Variants in ENTPD3 observed in about 807,000 individuals in gnomAD.
ENTPD3 encodes ectonucleoside triphosphate diphosphohydrolase 3.
A neutral mutation model predicts 51.2 loss-of-function variants in ENTPD3; 60 were observed. That is an observed-to-expected ratio of 1.17 (90% CI 0.95 to 1.45). The LOEUF (loss-of-function observed/expected upper bound fraction) is 1.45. Ranked by LOEUF, ENTPD3 falls within the 40% of genes most tolerant of loss-of-function variation. ENTPD3 has a pLI of 0.00. For missense variants in ENTPD3, 593 were observed against 641.1 expected (o/e 0.93, Z 0.81); for synonymous variants, 221 against 238.4 (o/e 0.93, Z 0.67).
chr3:40,412,107 A>T (rs1187216217), intron 5 of ENTPD3, 145 bp downstream of exon 5: 2 of 800,552 alleles, frequency 2.5e-6, no homozygotes, highest in African/African-American at 3.6e-5. Flanking sequence ...TTGGGCTTTA[A>T]AGGTTGGGAA....
At chr3:40,403,404 C>CT (rs1472050946) in intron 4 of ENTPD3, among the ~76,000 whole-genome samples, 4 of 152,174 alleles carry the variant, frequency 2.6e-5, no homozygotes, top group Non-Finnish European at 5.9e-5. Context: ...CCTGATGAAG[C>CT]TTCAGCTGAT....
rs887268832 is a variant in ENTPD3 at position 40,427,712 on chromosome 3, C to T, written c.*204C>T. Reference sequence around the variant, plus strand: ...TTCTGTGCATATTGTTCTTCAGAGACCTCACTACCCACATGCTGATCTATT... The same window carrying T: ...TTCTGTGCATATTGTTCTTCAGAGATCTCACTACCCACATGCTGATCTATT... On this transcript the variant is annotated 3_prime_UTR_variant, in exon 11 of 11. Coordinates refer to ENST00000301825, the MANE Select transcript of ENTPD3 (RefSeq NM_001248.4). 1.7e-6 allele frequency: 1 copy of T among 580,064 alleles called. No individual in the cohort carries two copies. Among genetic ancestry groups the T allele is most frequent in the East Asian group, 2.9e-5 (1 of 34,678 alleles). 35.9% of individuals were successfully genotyped at this position (580,064 alleles called of 1,614,324 possible).
chr3:40,407,511 C>T (rs1385741177), intron 4 of ENTPD3, among the ~76,000 whole-genome samples: 1 of 152,120 alleles, frequency 6.6e-6, no homozygotes, highest in Non-Finnish European at 1.5e-5. Context: ...AAATAGCTTG[C>T]TCATTCCTGA....
At chr3:40,406,830 G>T (rs1371101721) in intron 4 of ENTPD3, among the ~76,000 whole-genome samples, 1 of 152,026 alleles carries the variant, frequency 6.6e-6, no homozygotes, top group African/African-American at 2.4e-5. Context: ...ATTCTACAAT[G>T]TTCTAAGCAT....
chr3:40,389,445 G>A (rs1187543522), intron 2 of ENTPD3, among the ~76,000 whole-genome samples: 1 of 152,186 alleles, frequency 6.6e-6, no homozygotes, highest in African/African-American at 2.4e-5. Context: ...ATTCTGTAAT[G>A]AGTAACCTTG....
intron 4 of ENTPD3, 111 bp downstream of exon 4, chr3:40,401,122 T>C (rs377380786): frequency 1.1e-5 from 9 of 792,380 alleles, no homozygotes; most frequent in East Asian, 2.4e-5. Flanking sequence ...GGAATGAGCA[T>C]TGGACTGGGA....
At chr3:40,387,789 CT>C (rs144294751) in intron 1 of ENTPD3, among the ~76,000 whole-genome samples, 1 of 152,234 alleles carries the variant, frequency 6.6e-6, no homozygotes, top group Admixed American at 6.5e-5. Flanking sequence ...AGAAAAAGAC[CT>C]TTTTTCGGAA....
chr3:40,407,859 TCAGA>T (rs1045105426), intron 4 of ENTPD3, among the ~76,000 whole-genome samples: 2 of 152,030 alleles, frequency 1.3e-5, no homozygotes, highest in African/African-American at 4.8e-5. Context: ...ATCTAAGAAG[TCAGA>T]CAGACATGAT....
intron 3 of ENTPD3, among the ~76,000 whole-genome samples, chr3:40,393,917 G>A (rs537832483): frequency 3.2e-4 from 48 of 151,526 alleles, no homozygotes; most frequent in African/African-American, 1.1e-3. Flanking sequence ...GGTGGTGGGC[G>A]CCTGTAGTCC....
intron 4 of ENTPD3, among the ~76,000 whole-genome samples, chr3:40,405,477 C>G (rs199793481): frequency 1.3e-5 from 2 of 151,400 alleles, no homozygotes; most frequent in African/African-American, 2.4e-5. Flanking sequence ...TGCACTCCAG[C>G]CTGGGTGACA....
chr3:40,395,764 G>A (rs74901760), intron 3 of ENTPD3, among the ~76,000 whole-genome samples: 7,071 of 152,192 alleles, frequency 0.046, 514 homozygotes, highest in African/African-American at 0.16. Flanking sequence ...AGGTAGACTC[G>A]GGCCACTAGT....
chr3:40,396,320 T>C (rs901931902), intron 3 of ENTPD3, among the ~76,000 whole-genome samples: 3 of 152,152 alleles, frequency 2.0e-5, no homozygotes, highest in African/African-American at 4.8e-5. Flanking sequence ...TTGAAGAGGA[T>C]TGCAGGTGAT....
intron 10 of ENTPD3, chr3:40,424,640 A>T: frequency 3.1e-6 from 2 of 649,522 alleles, no homozygotes; most frequent in South Asian, 3.2e-5. Context: ...CCAAAGCTGG[A>T]ATCACAGCTG....
intron 3 of ENTPD3, among the ~76,000 whole-genome samples, chr3:40,398,071 A>G (rs1169577610): frequency 6.6e-6 from 1 of 152,176 alleles, no homozygotes; most frequent in African/African-American, 2.4e-5. Flanking sequence ...GAATGATGGT[A>G]GGGCTAGATC....
At chr3:40,426,011 G>C (rs1955974951) in intron 10 of ENTPD3, among the ~76,000 whole-genome samples, 1 of 151,598 alleles carries the variant, frequency 6.6e-6, no homozygotes, top group South Asian at 2.1e-4. Flanking sequence ...CATGATAAGG[G>C]TGTGGTAAGG....
intron 3 of ENTPD3, among the ~76,000 whole-genome samples, chr3:40,400,138 A>G (rs1955311681): frequency 6.6e-6 from 1 of 151,720 alleles, no homozygotes; most frequent in Admixed American, 6.6e-5. Flanking sequence ...GGTGGTGGGC[A>G]CCTGTAATCC....
Position 40,414,819 on chromosome 3 carries a change from T to C in ENTPD3, c.576T>C (p.Tyr192=), listed in dbSNP as rs199532859. The change falls in exon 6 of 11, where the codon TAT becomes TAC. Residue 192 remains tyrosine (Y), a synonymous_variant. Transcript: ENST00000301825. The part of the protein sequence containing the change: ...EGVYGWITAN[Y]LMGNFLEKNL... ...TATATGGATGGATTACAGCCAACTA[T>C]TTAATGGGAAATTTCCTGGAGGTGT... 238 of 1,614,000 alleles carry C rather than the reference T, an allele frequency of 1.5e-4. 1 individual carries two copies. The Admixed American group carries it at 3.8e-3, about 26-fold the overall frequency.
chr3:40,394,048 CAAAAAAAAAAAAA>C (rs559701033), intron 3 of ENTPD3, among the ~76,000 whole-genome samples: 1 of 64,416 alleles, frequency 1.6e-5, no homozygotes, highest in African/African-American at 7.2e-5. Context: ...GACTCTGTCT[CAAAAAAAAAAAAA>C]AAAAAAAAAA....
intron 5 of ENTPD3, among the ~76,000 whole-genome samples, chr3:40,413,770 T>A (rs1201062568): frequency 1.3e-5 from 2 of 152,226 alleles, no homozygotes; most frequent in African/African-American, 4.8e-5. Context: ...CTAATGATGA[T>A]CTATTTCTTC....
Sources: allele counts gnomAD v4.1 joint callset (sites outside exome capture counted in the v4.1 genomes callset), GRCh38; gene constraint gnomAD v4.1.1; transcripts MANE v1.5; gene names NCBI Gene and HGNC (gene_info 2026-07-23, HGNC 2026-07-21).